The following LRRIQ1 variants were observed in gnomAD, a reference collection of about 807,000 sequenced individuals.
LRRIQ1 encodes the protein leucine rich repeats and IQ motif containing 1.
LRRIQ1 carries 210 observed loss-of-function variants against 211.9 expected under a neutral mutation model. The ratio of observed to expected loss-of-function variants is 0.99; its 90% CI spans 0.89 to 1.11. The LOEUF (loss-of-function observed/expected upper bound fraction) is 1.11, where lower values mean the gene tolerates loss of function less well. LRRIQ1 is among the 50% of genes most tolerant of loss of function. The probability of loss-of-function intolerance (pLI) is 0.00; values close to 1 mark genes in which losing one functional copy is unlikely to be tolerated. For missense variants in LRRIQ1, 2,136 were observed against 1,939.5 expected, an observed-to-expected ratio of 1.10 and a Z score of -1.90; for synonymous variants, 699 against 650.1, an observed-to-expected ratio of 1.08 and a Z score of -1.14.
chr12:85,197,992 T>C (rs1358305080), intron 24 of LRRIQ1, among the ~76,000 whole-genome samples: 1 of 59,950 alleles, frequency 1.7e-5, no homozygotes, highest in Non-Finnish European at 3.3e-5. Flanking sequence ...ATATTATATA[T>C]TATATATAAC....
intron 5 of LRRIQ1, 143 bp from the exon 6 acceptor site, chr12:85,047,104 A>G: frequency 1.9e-6 from 1 of 533,296 alleles, no homozygotes. Flanking sequence ...ATACATATGT[A>G]ACAAACCTGC....
chr12:85,111,943 TATACACAC>T (rs1565840911), intron 15 of LRRIQ1, among the ~76,000 whole-genome samples: 1 of 135,292 alleles, frequency 7.4e-6, no homozygotes, highest in Non-Finnish European at 1.6e-5. Flanking sequence ...TTTATATATA[TATACACAC>T]ACACACACAC....
intron 24 of LRRIQ1, among the ~76,000 whole-genome samples, chr12:85,195,311 TAACTC>T (rs1892837924): frequency 6.6e-6 from 1 of 151,996 alleles, no homozygotes; most frequent in Admixed American, 6.6e-5. Context: ...GAATCCTCCC[TAACTC>T]ATTTTATGAG....
At chr12:85,144,668 G>A (rs946426077) in intron 19 of LRRIQ1, among the ~76,000 whole-genome samples, 1 of 151,508 alleles carries the variant, frequency 6.6e-6, no homozygotes, top group Admixed American at 6.6e-5. Context: ...GAGAAGAGAA[G>A]AAATACAAAA....
At position 85,056,293 on chromosome 12, in the gene LRRIQ1, A is replaced by C; in HGVS notation, c.1500A>C (p.Glu500Asp). Residue 500 changes from glutamate (E) to aspartate (D), a missense_variant, in exon 8 of 27, where the codon GAA (glutamate) becomes GAC (aspartate). Glu to Asp is a conservative substitution (Grantham distance 45, BLOSUM62 2). Transcript: ENST00000393217. ...GTTCAGAAGAATTGGTCAAGCAAGA[A>C]AGAAAATATGAAAATACAGATAACA... The part of the protein sequence containing the change: ...KRCSEELVKQ[E>D]RKYENTDNKT... The C allele has an allele frequency of 6.3e-7, 1 of 1,587,686 alleles. No individual in the cohort carries two copies. The highest frequency in any genetic ancestry group is 8.5e-7 in the Non-Finnish European group (1 of 1,173,390).
intron 15 of LRRIQ1, among the ~76,000 whole-genome samples, chr12:85,119,162 A>G (rs371485758): frequency 1.3e-5 from 2 of 152,116 alleles, no homozygotes; most frequent in Admixed American, 6.6e-5. Context: ...TGCTTTGCCT[A>G]TTCATCTCTG....
At chr12:85,103,357 AT>A (rs979119386) in intron 13 of LRRIQ1, among the ~76,000 whole-genome samples, 2 of 151,746 alleles carry the variant, frequency 1.3e-5, no homozygotes, top group Non-Finnish European at 3.0e-5. Flanking sequence ...GAGGTAAAAC[AT>A]TTTGTGTTAT....
chr12:85,102,957 AAAATATATAT>A (rs1886485367), intron 13 of LRRIQ1, among the ~76,000 whole-genome samples: 1 of 117,378 alleles, frequency 8.5e-6, no homozygotes, highest in East Asian at 2.9e-4. Flanking sequence ...AAAAAAAAAA[AAAATATATAT>A]ATATATATAT....
intron 15 of LRRIQ1, among the ~76,000 whole-genome samples, chr12:85,113,406 T>G (rs1236935707): frequency 2.6e-5 from 4 of 152,136 alleles, no homozygotes; most frequent in Non-Finnish European, 5.9e-5. Context: ...AAATTTTATT[T>G]ATATCCATTA....
intron 23 of LRRIQ1, 80 bp from the exon 24 acceptor site, chr12:85,160,533 C>T (rs985434884): frequency 1.0e-5 from 8 of 763,482 alleles, no homozygotes; most frequent in African/African-American, 5.2e-5. Flanking sequence ...TTTACTACCA[C>T]CATATAAGAA....
intron 24 of LRRIQ1, among the ~76,000 whole-genome samples, chr12:85,220,206 C>T (rs980907832): frequency 4.6e-5 from 7 of 151,996 alleles, no homozygotes; most frequent in African/African-American, 1.7e-4. Flanking sequence ...AGGAAATGAA[C>T]TCATCTCTAT....
intron 24 of LRRIQ1, among the ~76,000 whole-genome samples, chr12:85,164,311 C>T (rs1259881208): frequency 6.7e-6 from 1 of 150,248 alleles, no homozygotes; most frequent in Non-Finnish European, 1.5e-5. Context: ...TAGTCCAACA[C>T]AGTTTGAATC....
At chr12:85,250,885 ATAATATATT>A (rs1895904391) in intron 1 of LRRIQ1, among the ~76,000 whole-genome samples, 1 of 102,976 alleles carries the variant, frequency 9.7e-6, no homozygotes, top group Non-Finnish European at 1.8e-5. Flanking sequence ...TATATTATAT[ATAATATATT>A]TTATATATTA....
chr12:85,269,724 G>C, the LRRIQ1 span, among the ~76,000 whole-genome samples: 1 of 151,926 alleles, frequency 6.6e-6, no homozygotes, highest in African/African-American at 2.4e-5. Flanking sequence ...TCTAGTATTG[G>C]CTGGAAAAAG....
chr12:85,182,362 G>A, intron 24 of LRRIQ1, among the ~76,000 whole-genome samples: 1 of 152,120 alleles, frequency 6.6e-6, no homozygotes, highest in East Asian at 1.9e-4. Flanking sequence ...AGATTAGAAG[G>A]AGAGTAGACC....
Position 85,121,774 on chromosome 12 carries a change from C to G in LRRIQ1, c.3455C>G (p.Thr1152Ser), listed in dbSNP as rs930277763. The G allele has an allele frequency of 1.9e-6, 3 of 1,610,222 alleles. No individual in the cohort carries two copies. Among genetic ancestry groups the G allele is most frequent in the Non-Finnish European group, 2.5e-6 (3 of 1,178,174 alleles). The change falls in exon 16 of 27, where the codon ACT (threonine) becomes AGT (serine). Residue 1152 changes from threonine to serine, a missense_variant. By Grantham distance (58) the Thr-to-Ser change is moderately conservative (BLOSUM62 1). Coordinates refer to ENST00000393217, the MANE Select transcript of LRRIQ1 (RefSeq NM_001079910.2). Reference protein sequence around the residue: ...NILNSNSESRTEEHNQLGSAG... With the variant: ...NILNSNSESRSEEHNQLGSAG... ...CTAAACTCTAATTCAGAAAGCCGCA[C>G]TGAAGAACACAATCAACTGGGATCA... is the stretch of plus-strand genomic sequence containing the variant.
chr12:85,086,208 A>T (rs977199214), intron 11 of LRRIQ1, among the ~76,000 whole-genome samples: 1 of 152,076 alleles, frequency 6.6e-6, no homozygotes, highest in African/African-American at 2.4e-5. Context: ...TTTTTTTCAC[A>T]TATTTGTTGA....
downstream of LRRIQ1, among the ~76,000 whole-genome samples, chr12:85,247,883 C>A (rs1455122367): frequency 6.6e-6 from 1 of 151,682 alleles, no homozygotes; most frequent in East Asian, 1.9e-4. Flanking sequence ...AATGTTCTGT[C>A]CCTTTCCTTT....
chr12:85,193,014 TATATA>T (rs1310818694), intron 24 of LRRIQ1, among the ~76,000 whole-genome samples: 1 of 28,066 alleles, frequency 3.6e-5, no homozygotes, highest in Non-Finnish European at 5.5e-5. Context: ...AATATATAAT[TATATA>T]ATATATTTAT....
Sources: allele counts gnomAD v4.1 joint callset (sites outside exome capture counted in the v4.1 genomes callset), GRCh38; gene constraint gnomAD v4.1.1; transcripts MANE v1.5; gene names NCBI Gene and HGNC (gene_info 2026-07-23, HGNC 2026-07-21).